Variants in TAF4B observed in about 807,000 individuals in gnomAD.
TAF4B encodes the protein transcription initiation factor TFIID subunit 4B.
In TAF4B, 38 loss-of-function variants were observed where a neutral mutation model predicts 86.4. The ratio of observed to expected loss-of-function variants is 0.44; its 90% CI spans 0.34 to 0.58. The LOEUF is 0.58. Ranked by LOEUF, TAF4B falls within the 20% of genes least tolerant of loss-of-function variation. The pLI is 0.02. For synonymous variants in TAF4B, 388 were observed against 391.2 expected, an observed-to-expected ratio of 0.99 and a Z score of 0.10; for missense variants, 988 against 1,027.6, an observed-to-expected ratio of 0.96 and a Z score of 0.53.
intron 9 of TAF4B, among the ~76,000 whole-genome samples, chr18:26,311,732 G>C (rs1350483337): frequency 6.6e-6 from 1 of 152,198 alleles, no homozygotes; most frequent in Non-Finnish European, 1.5e-5. Context: ...TGGAAGGAAG[G>C]GGGAAGAGTG....
chr18:26,302,289 T>G (rs1456070859), intron 9 of TAF4B, among the ~76,000 whole-genome samples: 1 of 151,916 alleles, frequency 6.6e-6, no homozygotes, highest in Admixed American at 6.6e-5. Flanking sequence ...TTAATACTTA[T>G]GCCTTATTTT....
chr18:26,300,826 C>A (rs779982754), intron 9 of TAF4B, among the ~76,000 whole-genome samples: 1 of 151,762 alleles, frequency 6.6e-6, no homozygotes. Flanking sequence ...CCATCACTTA[C>A]GTAGAGTGGG....
rs199722297 is a variant in TAF4B at position 26,349,457 on chromosome 18, CAAACAA to C, written c.2317-8231_2317-8226del. Among the ~76,000 whole-genome samples the C allele has an allele frequency of 8.4e-3, 1,283 of 152,062 alleles. 20 individuals are homozygous for C. Among genetic ancestry groups the C allele is most frequent in the African/African-American group, 0.03 (1,248 of 41,466 alleles). On this transcript the variant is annotated intron_variant, in intron 13 of 14. Coordinates refer to ENST00000269142, the MANE Select transcript of TAF4B (RefSeq NM_005640.3). Reference sequence around the variant, plus strand: ...TTAAAATCCCTGCCAAACAAACAAACAAACAAACAAACAAAACCACCTGGAAATAAT... The same window carrying C: ...TTAAAATCCCTGCCAAACAAACAAACACAAACAAAACCACCTGGAAATAAT...
chr18:26,365,207 A>G (rs1003985108), intron 14 of TAF4B, among the ~76,000 whole-genome samples: 18 of 151,770 alleles, frequency 1.2e-4, no homozygotes, highest in African/African-American at 2.9e-4. Flanking sequence ...GGATTTCACT[A>G]TGTTGGCCAG....
At chr18:26,389,697 A>AG in intron 14 of TAF4B, 148 bp from the exon 15 acceptor site, 1 of 759,334 alleles carries the variant, frequency 1.3e-6, no homozygotes, top group African/African-American at 1.8e-5. Flanking sequence ...TGGCTGCTGG[A>AG]GGACAGGGTT....
chr18:26,335,309 G>T, intron 13 of TAF4B, 78 bp downstream of exon 13: 1 of 1,310,902 alleles, frequency 7.6e-7, no homozygotes, highest in Admixed American at 1.7e-5. Flanking sequence ...TTAGGTCAGG[G>T]TTTATTTTGC....
intron 6 of TAF4B, among the ~76,000 whole-genome samples, chr18:26,285,519 G>A (rs2056508843): frequency 6.6e-6 from 1 of 151,938 alleles, no homozygotes; most frequent in South Asian, 2.1e-4. Flanking sequence ...TTAATGAAGA[G>A]ACCTAGATTC....
At chr18:26,231,494 G>A (rs2055670206) in intron 1 of TAF4B, among the ~76,000 whole-genome samples, 1 of 151,680 alleles carries the variant, frequency 6.6e-6, no homozygotes. Flanking sequence ...TGAGATTACA[G>A]GTGTGTGCCA....
At chr18:26,246,696 G>A (rs1598720879) in intron 1 of TAF4B, among the ~76,000 whole-genome samples, 1 of 151,848 alleles carries the variant, frequency 6.6e-6, no homozygotes, top group East Asian at 1.9e-4. Flanking sequence ...ACCACACCTG[G>A]CTAATTTTTT....
intron 14 of TAF4B, among the ~76,000 whole-genome samples, chr18:26,372,251 G>A (rs2057410415): frequency 6.6e-6 from 1 of 152,194 alleles, no homozygotes; most frequent in Admixed American, 6.5e-5. Context: ...GAATTGCAGA[G>A]CCACCATAAA....
chr18:26,339,052 C>G (rs564566869), intron 13 of TAF4B, among the ~76,000 whole-genome samples: 2 of 152,282 alleles, frequency 1.3e-5, no homozygotes, highest in Non-Finnish European at 2.9e-5. Context: ...GGTTTTCTGT[C>G]TATTTGAAAA....
intron 9 of TAF4B, among the ~76,000 whole-genome samples, chr18:26,311,936 G>C (rs766818559): frequency 4.6e-5 from 7 of 152,178 alleles, no homozygotes; most frequent in Non-Finnish European, 1.0e-4. Flanking sequence ...AAAAGCTAAA[G>C]AATTAGATCA....
In TAF4B at chr18:26,323,773, A is replaced by G. The variant is rs2056982136; in HGVS notation, c.2133+2573A>G. On this transcript the variant is annotated intron_variant, in intron 11 of 14. Transcript: ENST00000269142. ...TTACTTTCTTTTGTTTGTTACTTGC[A>G]TGGAATATCTTTTTCCATCCTTTCA... is the stretch of plus-strand genomic sequence containing the variant. 2.0e-5 allele frequency among the ~76,000 whole-genome samples: 3 copies of G among 152,114 alleles called. No individual in the cohort carries two copies. In the South Asian group the frequency reaches 6.2e-4, roughly 31 times the overall value.
intron 9 of TAF4B, among the ~76,000 whole-genome samples, chr18:26,301,496 G>T (rs1299100666): frequency 6.6e-6 from 1 of 151,904 alleles, no homozygotes; most frequent in Non-Finnish European, 1.5e-5. Flanking sequence ...GTCTTGCTTT[G>T]TCTCCCAGAC....
chr18:26,235,038 AT>A (rs1382855963), intron 1 of TAF4B, among the ~76,000 whole-genome samples: 1 of 152,172 alleles, frequency 6.6e-6, no homozygotes, highest in Non-Finnish European at 1.5e-5. Context: ...GCCACTGGTT[AT>A]GGGGTTGTCC....
chr18:26,386,221 A>G (rs1423250470), intron 14 of TAF4B, among the ~76,000 whole-genome samples: 1 of 151,928 alleles, frequency 6.6e-6, no homozygotes, highest in Non-Finnish European at 1.5e-5. Flanking sequence ...CAGCTGTAAT[A>G]TGGCTCTTTC....
chr18:26,338,712 A>G (rs1328437103), intron 13 of TAF4B, among the ~76,000 whole-genome samples: 1 of 152,000 alleles, frequency 6.6e-6, no homozygotes, highest in Admixed American at 6.6e-5. Flanking sequence ...TCCCGACGTC[A>G]GGTGATCCTC....
intron 5 of TAF4B, among the ~76,000 whole-genome samples, chr18:26,281,002 A>G (rs1435025382): frequency 2.0e-5 from 3 of 152,172 alleles, no homozygotes; most frequent in Admixed American, 6.5e-5. Flanking sequence ...TTTTGTAGCA[A>G]TGTGAATGGC....
intron 6 of TAF4B, among the ~76,000 whole-genome samples, chr18:26,285,210 CTTTTTTTTTTTG>C (rs2056497190): frequency 7.1e-5 from 3 of 42,518 alleles, no homozygotes; most frequent in African/African-American, 1.6e-4. Context: ...TCTTCCTTTC[CTTTTTTTTTTTG>C]TTTTTTTTTT....
Sources: gnomAD v4.1 joint callset for allele counts (sites outside exome capture counted in the v4.1 genomes callset) on GRCh38, gnomAD v4.1.1 for gene constraint, MANE v1.5 for transcripts, NCBI Gene and HGNC (gene_info 2026-07-23, HGNC 2026-07-21) for gene names.